Variants in ZNF92 observed in about 807,000 individuals in gnomAD.
ZNF92 encodes the protein zinc finger protein 92.
Under a neutral mutation model 12.4 loss-of-function variants are expected in ZNF92, and 11 were observed. That is an observed-to-expected ratio of 0.89 (90% confidence interval 0.56 to 1.47). ZNF92 has a LOEUF of 1.47. Ranked by LOEUF, ZNF92 falls within the 40% of genes most tolerant of loss-of-function variation. The pLI is 0.00. For synonymous variants in ZNF92, 206 were observed against 228.6 expected, an observed-to-expected ratio of 0.90 and a Z score of 0.89; for missense variants, 622 against 681.0, an observed-to-expected ratio of 0.91 and a Z score of 0.96.
At position 65,390,176 on chromosome 7, in the gene ZNF92, AGTTTAGACAT is replaced by A. The variant is rs1476571699; in HGVS notation, c.226+1281_226+1290del. Among the ~76,000 whole-genome samples the A allele has an allele frequency of 2.6e-5, 4 of 152,254 alleles. No homozygotes were observed. In the South Asian group the frequency reaches 6.2e-4, roughly 24 times the overall value. ...TTTCATATTGTGCTGATTTATTATT[AGTTTAGACAT>A]GTTTAAATGTTTATGATTTTCTCTA... On this transcript the variant is annotated intron_variant, in intron 3 of 3. Coordinates refer to ENST00000328747, the MANE Select transcript of ZNF92 (RefSeq NM_152626.4).
At chr7:65,375,715 G>C (rs903598151) in intron 1 of ZNF92, among the ~76,000 whole-genome samples, 1 of 151,790 alleles carries the variant, frequency 6.6e-6, no homozygotes, top group African/African-American at 2.4e-5. Context: ...AGGCATGGTG[G>C]TGCATGCCTG....
chr7:65,378,152 G>T (rs1350992016), intron 1 of ZNF92, among the ~76,000 whole-genome samples: 2 of 151,384 alleles, frequency 1.3e-5, no homozygotes, highest in Non-Finnish European at 2.9e-5. Flanking sequence ...ACAAAAATCA[G>T]CTGGGTGTGG....
chr7:65,378,518 G>A (rs6944046), intron 1 of ZNF92, among the ~76,000 whole-genome samples: 42,027 of 151,628 alleles, frequency 0.28, 7,615 homozygotes, highest in African/African-American at 0.49. Context: ...CGAGGTGGGC[G>A]GATCACGAGG....
At position 65,374,121 on chromosome 7, in the gene ZNF92, C is replaced by G. The variant is rs537703633; in HGVS notation, c.3+121C>G. The G allele has an allele frequency of 5.1e-5, 70 of 1,381,502 alleles. No homozygotes were observed. The South Asian group carries it at 7.5e-4, about 15-fold the overall frequency. 85.6% of individuals were successfully genotyped at this position (1,381,502 alleles called of 1,614,324 possible). A position where few individuals can be genotyped will look rare whatever the true frequency, so the allele number is the denominator to read the frequency against. ...GGCTCCGAGATCCGCGGCCCGAGTTCTCCTTGGCGCAGCTCGGCCCTCAGT... is the reference window on the plus strand; with the variant it reads ...GGCTCCGAGATCCGCGGCCCGAGTTGTCCTTGGCGCAGCTCGGCCCTCAGT... On this transcript the variant is annotated intron_variant, in intron 1 of 3. Coordinates refer to ENST00000328747, the MANE Select transcript of ZNF92 (RefSeq NM_152626.4).
At chr7:65,374,119 T>C in intron 1 of ZNF92, 119 bp downstream of exon 1, 1 of 1,409,892 alleles carries the variant, frequency 7.1e-7, no homozygotes, top group Non-Finnish European at 9.9e-7. Flanking sequence ...GCGGCCCGAG[T>C]TCTCCTTGGC....
At chr7:65,386,934 T>C (rs1451716147) in intron 1 of ZNF92, among the ~76,000 whole-genome samples, 1 of 133,088 alleles carries the variant, frequency 7.5e-6, no homozygotes, top group Non-Finnish European at 1.5e-5. Flanking sequence ...TCTGTTTTCT[T>C]TCTTCTTTTT....
chr7:65,380,390 CCAAGTAGCTGGGACTA>C (rs1009329168), intron 1 of ZNF92, among the ~76,000 whole-genome samples: 3 of 152,082 alleles, frequency 2.0e-5, no homozygotes, highest in Non-Finnish European at 2.9e-5. Flanking sequence ...CCTAAGCCCC[CCAAGTAGCTGGGACTA>C]CAGCGTGCAC....
intron 1 of ZNF92, among the ~76,000 whole-genome samples, chr7:65,385,676 A>G (rs928965691): frequency 1.3e-5 from 2 of 151,244 alleles, no homozygotes; most frequent in African/African-American, 4.9e-5. Flanking sequence ...TATAGAGGAC[A>G]GAAATGGGTG....
At chr7:65,397,012 T>A (rs1793862609) in intron 3 of ZNF92, among the ~76,000 whole-genome samples, 1 of 151,478 alleles carries the variant, frequency 6.6e-6, no homozygotes, top group Non-Finnish European at 1.5e-5. Context: ...CTGTACTACT[T>A]TTTTTTTTCT....
intron 3 of ZNF92, among the ~76,000 whole-genome samples, chr7:65,392,538 A>ATTT (rs35255435): frequency 1.4e-5 from 2 of 141,516 alleles, no homozygotes; most frequent in Admixed American, 7.1e-5. Flanking sequence ...TTGAGCCCAC[A>ATTT]TTTTTTTTTT....
intron 1 of ZNF92, among the ~76,000 whole-genome samples, chr7:65,384,317 T>C (rs941079441): frequency 1.3e-5 from 2 of 152,020 alleles, no homozygotes; most frequent in African/African-American, 2.4e-5. Flanking sequence ...GAATTCTACA[T>C]AGTGTCCTCT....
At chr7:65,378,099 TC>T (rs1793297371) in intron 1 of ZNF92, among the ~76,000 whole-genome samples, 1 of 151,480 alleles carries the variant, frequency 6.6e-6, no homozygotes. Flanking sequence ...TGCCTGTAAT[TC>T]CAGCACTTTG....
chr7:65,390,391 CTCT>C (rs1474278109), intron 3 of ZNF92, among the ~76,000 whole-genome samples: 2 of 152,082 alleles, frequency 1.3e-5, no homozygotes, highest in African/African-American at 4.8e-5. Flanking sequence ...GAGCAAACAG[CTCT>C]TCAGGTTTTT....
At chr7:65,377,013 C>T (rs1156642163) in intron 1 of ZNF92, among the ~76,000 whole-genome samples, 1 of 151,980 alleles carries the variant, frequency 6.6e-6, no homozygotes, top group Non-Finnish European at 1.5e-5. Context: ...AAACTTGGTA[C>T]CTACTAAAAG....
Position 65,399,584 on chromosome 7 carries a change from T to C in ZNF92, c.1470T>C (p.Phe490=). The change falls in exon 4 of 4, where the codon TTT becomes TTC. Residue 490 remains phenylalanine (F), a synonymous_variant. Transcript: ENST00000328747. ...PYKCEECGKA[F]NQSSIFTKHK... ...AATGTGAAGAATGTGGCAAAGCCTT[T>C]AACCAGTCCTCAATTTTTACTAAAC... 6.2e-7 allele frequency: 1 copy of C among 1,613,818 alleles called. No individual in the cohort carries two copies. The highest frequency in any genetic ancestry group is 8.5e-7 in the Non-Finnish European group (1 of 1,179,828).
intron 1 of ZNF92, among the ~76,000 whole-genome samples, chr7:65,376,037 C>T (rs1473939311): frequency 6.6e-6 from 1 of 151,192 alleles, no homozygotes. Context: ...CTCAGCCTCC[C>T]GAGTAGCTGG....
Position 65,375,627 on chromosome 7 carries a change from A to G in ZNF92, c.3+1627A>G, listed in dbSNP as rs541350103. Among the ~76,000 whole-genome samples, 31 of 152,148 alleles carry G rather than the reference A, an allele frequency of 2.0e-4. No individual in the cohort carries two copies. In the East Asian group the frequency reaches 5.8e-3, roughly 29 times the overall value. ...AAAAAAGTATTCCAAAAGATACAAC[A>G]AAACCTGACCTGGAGATCGAGACCA... On this transcript the variant is annotated intron_variant, in intron 1 of 3. Coordinates refer to ENST00000328747, the MANE Select transcript of ZNF92 (RefSeq NM_152626.4).
intron 1 of ZNF92, among the ~76,000 whole-genome samples, chr7:65,381,032 G>C (rs1432301790): frequency 6.6e-6 from 1 of 151,226 alleles, no homozygotes; most frequent in Non-Finnish European, 1.5e-5. Context: ...TTTCTTTTTG[G>C]AGATGGAGTC....
rs1315012443 is a variant in ZNF92, at chr7:65,390,907, C to T, written c.226+2006C>T. 2.6e-5 allele frequency among the ~76,000 whole-genome samples: 4 copies of T among 152,146 alleles called. No homozygotes were observed. The South Asian group carries it at 8.3e-4, about 32-fold the overall frequency. On this transcript the variant is annotated intron_variant, in intron 3 of 3. Coordinates refer to ENST00000328747, the MANE Select transcript of ZNF92 (RefSeq NM_152626.4). Reference sequence around the variant, plus strand: ...GCCGCTGGAAGGGCAGGACCTTTTCCAGACTGTGGCTGGGAGAAGTTTGGG... The same window carrying T: ...GCCGCTGGAAGGGCAGGACCTTTTCTAGACTGTGGCTGGGAGAAGTTTGGG...
Sources: allele counts gnomAD v4.1 joint callset (sites outside exome capture counted in the v4.1 genomes callset), GRCh38; gene constraint gnomAD v4.1.1; transcripts MANE v1.5; gene names NCBI Gene and HGNC (gene_info 2026-07-23, HGNC 2026-07-21).